The following CNTN5 variants were observed in gnomAD, a reference collection of about 807,000 sequenced individuals.
CNTN5 encodes contactin-5.
CNTN5 carries 77 observed loss-of-function variants against 129.1 expected under a neutral mutation model. That is an observed-to-expected ratio of 0.60 (90% CI 0.50 to 0.72). The LOEUF is 0.72. CNTN5 is among the 30% of genes least tolerant of loss of function. CNTN5 has a pLI of 0.00. For synonymous variants in CNTN5, 509 were observed against 465.6 expected (o/e 1.09, Z -1.20); for missense variants, 1,478 against 1,328.8 (o/e 1.11, Z -1.75).
intron 1 of CNTN5, among the ~76,000 whole-genome samples, chr11:99,105,338 T>A (rs1346331454): frequency 6.6e-6 from 1 of 152,168 alleles, no homozygotes; most frequent in Non-Finnish European, 1.5e-5. Flanking sequence ...AATCAAGGCT[T>A]TATTTAAAAT....
chr11:99,037,366 G>A (rs1053941897), intron 1 of CNTN5, among the ~76,000 whole-genome samples: 5 of 152,076 alleles, frequency 3.3e-5, no homozygotes, highest in African/African-American at 1.2e-4. Context: ...ATACATTTCA[G>A]ATTTGGCAGT....
chr11:99,060,446 A>T (rs540727329), intron 1 of CNTN5, among the ~76,000 whole-genome samples: 12 of 152,244 alleles, frequency 7.9e-5, no homozygotes, highest in Non-Finnish European at 1.5e-4. Context: ...GAACTGAAAA[A>T]CAATTACACT....
chr11:99,049,922 G>A (rs1864360455), intron 1 of CNTN5: 5 of 152,008 alleles, frequency 3.3e-5, no homozygotes, highest in Admixed American at 3.3e-4. Context: ...AATTTAAAAA[G>A]GAAAGAATAA....
At chr11:99,915,079 T>C (rs935479544) in intron 6 of CNTN5, among the ~76,000 whole-genome samples, 1 of 152,028 alleles carries the variant, frequency 6.6e-6, no homozygotes, top group Admixed American at 6.6e-5. Flanking sequence ...ATGGAAGAAA[T>C]GGCAGAACAT....
chr11:100,199,094 T>C (rs1053592339), intron 15 of CNTN5, among the ~76,000 whole-genome samples: 4 of 151,948 alleles, frequency 2.6e-5, no homozygotes, highest in African/African-American at 9.7e-5. Context: ...GCCAGTTTAC[T>C]AAGGCACAAA....
chr11:99,142,364 G>T (rs1276502455), intron 1 of CNTN5, among the ~76,000 whole-genome samples: 1 of 152,116 alleles, frequency 6.6e-6, no homozygotes, highest in East Asian at 1.9e-4. Context: ...CAGGCTGCAG[G>T]TGAGTGCATG....
intron 3 of CNTN5, among the ~76,000 whole-genome samples, chr11:99,655,766 CAT>C (rs1279549483): frequency 6.6e-6 from 1 of 151,994 alleles, no homozygotes; most frequent in Non-Finnish European, 1.5e-5. Flanking sequence ...TACGCACACA[CAT>C]ATCACACACA....
chr11:99,229,240 A>G (rs952531293), intron 1 of CNTN5, among the ~76,000 whole-genome samples: 13 of 152,052 alleles, frequency 8.5e-5, no homozygotes, highest in African/African-American at 3.1e-4. Context: ...TACTGTACTC[A>G]GTGCTAAATT....
intron 3 of CNTN5, among the ~76,000 whole-genome samples, chr11:99,804,370 T>G (rs961303794): frequency 6.6e-6 from 1 of 152,032 alleles, no homozygotes; most frequent in African/African-American, 2.4e-5. Context: ...ATGTGATATT[T>G]AGGAATAGTG....
chr11:99,943,916 A>G (rs7940075), intron 7 of CNTN5, among the ~76,000 whole-genome samples: 2,289 of 152,174 alleles, frequency 0.015, 56 homozygotes, highest in African/African-American at 0.052. Context: ...TACCATTACC[A>G]TACTGTTTTG....
intron 16 of CNTN5, among the ~76,000 whole-genome samples, chr11:100,236,904 A>T (rs1591423590): frequency 6.6e-6 from 1 of 151,948 alleles, no homozygotes; most frequent in Admixed American, 6.6e-5. Context: ...CCAAGAAAGA[A>T]CTCCGCTGGG....
At chr11:99,391,165 T>C (rs1294213747) in intron 2 of CNTN5, among the ~76,000 whole-genome samples, 3 of 152,138 alleles carry the variant, frequency 2.0e-5, no homozygotes, top group Non-Finnish European at 2.9e-5. Context: ...TAAAGTCTCT[T>C]ATCTAAAACC....
At chr11:99,800,580 A>G (rs1946082931) in intron 3 of CNTN5, among the ~76,000 whole-genome samples, 2 of 152,108 alleles carry the variant, frequency 1.3e-5, no homozygotes, top group African/African-American at 4.8e-5. Context: ...GCCTAAGTCT[A>G]TCAGAGGTCT....
intron 2 of CNTN5, among the ~76,000 whole-genome samples, chr11:99,417,086 G>A (rs1313736268): frequency 1.3e-5 from 2 of 152,242 alleles, no homozygotes; most frequent in African/African-American, 2.4e-5. Flanking sequence ...CAGATAAAGT[G>A]TCAATGAATT....
intron 1 of CNTN5, among the ~76,000 whole-genome samples, chr11:99,034,496 G>T (rs1175567648): frequency 6.6e-6 from 1 of 151,502 alleles, no homozygotes; most frequent in Non-Finnish European, 1.5e-5. Context: ...GTTTAGTCTT[G>T]GGAGAGTGTA....
chr11:99,799,828 CTCT>C (rs1946059851), intron 3 of CNTN5, among the ~76,000 whole-genome samples: 1 of 151,948 alleles, frequency 6.6e-6, no homozygotes, highest in South Asian at 2.1e-4. Context: ...TTGGTACCAG[CTCT>C]TCTTTGTATA....
At chr11:100,304,370 G>A (rs936793538) in intron 20 of CNTN5, among the ~76,000 whole-genome samples, 49 of 151,690 alleles carry the variant, frequency 3.2e-4, no homozygotes, top group African/African-American at 9.4e-4. Flanking sequence ...TAATAGATGG[G>A]AGTGAGAGTG....
intron 2 of CNTN5, among the ~76,000 whole-genome samples, chr11:99,381,994 A>G (rs1160972633): frequency 6.6e-6 from 1 of 151,774 alleles, no homozygotes; most frequent in Non-Finnish European, 1.5e-5. Context: ...ACAAACAAAC[A>G]AACAAATCAA....
chr11:99,756,965 C>A (rs1163748069), intron 3 of CNTN5, among the ~76,000 whole-genome samples: 2 of 150,100 alleles, frequency 1.3e-5, no homozygotes, highest in African/African-American at 2.4e-5. Flanking sequence ...TGTGCTAATG[C>A]CAAACTTTCT....
Sources: gnomAD v4.1 joint callset for allele counts (sites outside exome capture counted in the v4.1 genomes callset) on GRCh38, gnomAD v4.1.1 for gene constraint, MANE v1.5 for transcripts, NCBI Gene and HGNC (gene_info 2026-07-23, HGNC 2026-07-21) for gene names.